PUDP: variants seen among roughly 807,000 people sequenced by gnomAD.
PUDP encodes the protein pseudouridine 5'-phosphatase.
A neutral mutation model predicts 9.4 loss-of-function variants in PUDP; 8 were observed. That is an observed-to-expected ratio of 0.85 (90% confidence interval 0.50 to 1.53). PUDP has a LOEUF of 1.53. Ranked by LOEUF, PUDP falls within the 40% of genes most tolerant of loss-of-function variation. The probability of loss-of-function intolerance (pLI) is 0.00; values close to 1 mark genes in which losing one functional copy is unlikely to be tolerated. For synonymous variants in PUDP, 99 were observed against 80.7 expected, an observed-to-expected ratio of 1.23 and a Z score of -1.22; for missense variants, 188 against 189.7, an observed-to-expected ratio of 0.99 and a Z score of 0.05.
At chrX:7,034,131 G>T (rs1350349206) in intron 1 of PUDP, among the ~76,000 whole-genome samples, 4 of 111,947 alleles carry the variant, frequency 3.6e-5, no homozygotes, top group African/African-American at 1.3e-4. Flanking sequence ...CTGGCTATGG[G>T]GTAGGGTAGG....
chrX:6,772,703 G>T (rs1343372518), intron 3 of PUDP, among the ~76,000 whole-genome samples: 2 of 109,386 alleles, frequency 1.8e-5, no homozygotes, highest in East Asian at 5.7e-4. Flanking sequence ...GGCCGAGGTG[G>T]GTAGATCACT....
rs762977117 is a variant in PUDP, at chrX:6,933,689, A to G, written c.*247+43444T>C. 7.7e-3 allele frequency among the ~76,000 whole-genome samples: 851 copies of G among 109,922 alleles called. 5 individuals carry two copies. The highest frequency in any genetic ancestry group is 0.014 in the Middle Eastern group (3 of 214). The stretch of plus-strand genomic sequence containing the variant: ...TCAGACAATCAAATTACTCTGAGCT[A>G]CGGGAGGACATTCAAACCAAAGGCA... On this transcript the variant is annotated intron_variant and NMD_transcript_variant, in intron 3 of 3. Coordinates refer to the PUDP transcript ENST00000655425.
chrX:7,116,793 G>A (rs1397445944), intron 1 of PUDP, among the ~76,000 whole-genome samples: 1 of 111,776 alleles, frequency 8.9e-6, no homozygotes, highest in Non-Finnish European at 1.9e-5. Flanking sequence ...CTTGGTGGGA[G>A]GTATACTGAT....
chrX:7,045,233 G>A (rs368398350), downstream of PUDP, among the ~76,000 whole-genome samples: 1 of 112,689 alleles, frequency 8.9e-6, no homozygotes, highest in Non-Finnish European at 1.9e-5. Flanking sequence ...CAGCATGATT[G>A]TAAGTTTCCT....
chrX:7,033,374 C>A (rs1277651444), intron 1 of PUDP, among the ~76,000 whole-genome samples: 4 of 111,917 alleles, frequency 3.6e-5, no homozygotes, highest in African/African-American at 1.3e-4. Flanking sequence ...TCTAGAGAAC[C>A]TTGAGTAATG....
chrX:6,895,739 T>G (rs1361366663), intron 3 of PUDP, among the ~76,000 whole-genome samples: 1 of 111,628 alleles, frequency 9.0e-6, no homozygotes, highest in African/African-American at 3.3e-5. Context: ...CCATTTGGGC[T>G]GCTATAATAA....
intron 3 of PUDP, among the ~76,000 whole-genome samples, chrX:6,876,405 T>G (rs370135482): frequency 1.8e-5 from 2 of 111,554 alleles, no homozygotes; most frequent in East Asian, 5.7e-4. Flanking sequence ...TTGAGGAATA[T>G]CTGTGTGTGT....
At chrX:7,062,689 G>A (rs945828459) in intron 3 of PUDP, among the ~76,000 whole-genome samples, 5 of 109,330 alleles carry the variant, frequency 4.6e-5, no homozygotes, top group Non-Finnish European at 9.5e-5. Flanking sequence ...TGTGCTTTAC[G>A]AGGTGGGTGG....
chrX:6,819,212 T>C (rs1926298600), intron 3 of PUDP, among the ~76,000 whole-genome samples: 1 of 111,872 alleles, frequency 8.9e-6, no homozygotes, highest in Non-Finnish European at 1.9e-5. Flanking sequence ...AAAGACTGGG[T>C]CTTCTGTTCA....
chrX:7,003,548 C>G (rs1298655830), intron 1 of PUDP, among the ~76,000 whole-genome samples: 1 of 112,089 alleles, frequency 8.9e-6, no homozygotes, highest in East Asian at 2.8e-4. Context: ...TTAATTTTTC[C>G]ACCCTATTTT....
Position 6,856,706 on chromosome X carries a change from C to T in PUDP, c.*247+120427G>A, listed in dbSNP as rs145677066. On this transcript the variant is annotated intron_variant and NMD_transcript_variant, in intron 3 of 3. Coordinates refer to the PUDP transcript ENST00000655425. ...ACCTGTGATGACTCATTTTATGCGT[C>T]AACTTGACGGGCCCACAGGGTGCCC... 3.9e-3 allele frequency among the ~76,000 whole-genome samples: 431 copies of T among 111,818 alleles called. 2 individuals carry two copies. The highest frequency in any genetic ancestry group is 0.013 in the African/African-American group (413 of 30,859).
intron 3 of PUDP, among the ~76,000 whole-genome samples, chrX:7,052,898 G>A (rs73627526): frequency 4.4e-3 from 490 of 111,784 alleles, no homozygotes; most frequent in African/African-American, 0.015. Context: ...ACTGGTCACC[G>A]TAGGACGCGA....
At chrX:6,747,375 T>C (rs185161244) in intron 3 of PUDP, among the ~76,000 whole-genome samples, 5 of 112,051 alleles carry the variant, frequency 4.5e-5, no homozygotes, top group Admixed American at 3.8e-4. Context: ...GGTATATGCA[T>C]ATGCATGAGA....
At position 6,827,487 on chromosome X, in the gene PUDP, T is replaced by C. The variant is rs182125199; in HGVS notation, c.*248-121021A>G. 2.3e-4 allele frequency among the ~76,000 whole-genome samples: 26 copies of C among 111,791 alleles called. No individual in the cohort carries two copies. The East Asian group carries it at 7.4e-3, about 32-fold the overall frequency. The stretch of plus-strand genomic sequence containing the variant: ...GGATGAATAAAGTTACAAAGTCATT[T>C]ACTCGGAGTTTGCCCTATAGAGAGG... On this transcript the variant is annotated intron_variant and NMD_transcript_variant, in intron 3 of 3. Transcript: ENST00000655425.
intron 1 of PUDP, among the ~76,000 whole-genome samples, chrX:7,002,093 C>T (rs933369579): frequency 1.2e-4 from 13 of 110,680 alleles, no homozygotes; most frequent in African/African-American, 4.0e-4. Flanking sequence ...ACATTTAAAA[C>T]GTCTAGAAAT....
chrX:6,815,567 C>G (rs1052302819), intron 3 of PUDP, among the ~76,000 whole-genome samples: 4 of 111,339 alleles, frequency 3.6e-5, no homozygotes, highest in African/African-American at 1.3e-4. Flanking sequence ...CTTGCCAAAT[C>G]AGAATCTCTG....
chrX:6,834,766 C>A (rs1275957748), intron 3 of PUDP, among the ~76,000 whole-genome samples: 1 of 111,256 alleles, frequency 9.0e-6, no homozygotes, highest in Non-Finnish European at 1.9e-5. Context: ...CGAGGGCCTT[C>A]TTGTTACATC....
At chrX:6,933,321 G>C (rs1049819484) in intron 3 of PUDP, among the ~76,000 whole-genome samples, 10 of 111,111 alleles carry the variant, frequency 9.0e-5, no homozygotes, top group Non-Finnish European at 1.3e-4. Flanking sequence ...CAGCATTCGC[G>C]GCTCACGAAA....
rs187098274 is a variant in PUDP, at chrX:6,751,481, A to G, written c.*248-45015T>C. On this transcript the variant is annotated intron_variant and NMD_transcript_variant, in intron 3 of 3. Transcript: ENST00000655425. ...ATTTCTATGTTCTATGAATTTATTTAGTAAACACCCTGTTCATCAGTACTT... is the reference window on the plus strand; with the variant it reads ...ATTTCTATGTTCTATGAATTTATTTGGTAAACACCCTGTTCATCAGTACTT... Among the ~76,000 whole-genome samples, 609 of 112,132 alleles carry G rather than the reference A, an allele frequency of 5.4e-3. 7 individuals are homozygous for G. Among genetic ancestry groups the G allele is most frequent in the African/African-American group, 0.017 (525 of 30,867 alleles).
Sources: gnomAD v4.1 joint callset for allele counts (sites outside exome capture counted in the v4.1 genomes callset) on GRCh38, gnomAD v4.1.1 for gene constraint, MANE v1.5 for transcripts, NCBI Gene and HGNC (gene_info 2026-07-23, HGNC 2026-07-21) for gene names.